UTP14C: variants seen among roughly 807,000 people sequenced by gnomAD.
UTP14C encodes the protein U3 small nucleolar RNA-associated protein 14 homolog C.
A neutral mutation model predicts 14.6 loss-of-function variants in UTP14C; 10 were observed. The ratio of observed to expected loss-of-function variants is 0.68; its 90% CI spans 0.42 to 1.16. The LOEUF is 1.16. UTP14C is among the 50% of genes most tolerant of loss of function. The probability of loss-of-function intolerance (pLI) is 0.00; values close to 1 mark genes in which losing one functional copy is unlikely to be tolerated. For synonymous variants in UTP14C, 315 were observed against 331.6 expected, an observed-to-expected ratio of 0.95 and a Z score of 0.54; for missense variants, 818 against 890.8, an observed-to-expected ratio of 0.92 and a Z score of 1.04.
intron 1 of UTP14C, 22 bp downstream of exon 1, chr13:52,024,959 C>T (rs768824401): frequency 6.3e-7 from 1 of 1,595,604 alleles, no homozygotes; most frequent in Non-Finnish European, 8.5e-7. Context: ...CTTTAAACAA[C>T]TTGTTTGGTG....
Position 52,028,654 on chromosome 13 carries a change from T to G in UTP14C, c.-151T>G. ...GGTTAAACACCTTCATATGTAAATA[T>G]TTTTCTAAATTCAATCTCATTTGTC... On this transcript the variant is annotated 5_prime_UTR_variant, in exon 2 of 2. Transcript: ENST00000521776. 4 of 1,562,584 alleles carry G rather than the reference T, an allele frequency of 2.6e-6. No individual in the cohort carries two copies. In the South Asian group the frequency reaches 4.5e-5, roughly 18 times the overall value.
chr13:52,028,259 CATTCTT>C, intron 1 of UTP14C, 54 bp from the exon 2 acceptor site: 1 of 1,600,394 alleles, frequency 6.2e-7, no homozygotes, highest in South Asian at 1.1e-5. Context: ...TATTCATCCT[CATTCTT>C]ATGAACACAC....
At position 52,030,689 on chromosome 13, in the gene UTP14C, G is replaced by C; in HGVS notation, c.1885G>C (p.Gly629Arg). ...AAAGGACGTGGACCTGACACTACCT[G>C]GCTGGGGCGAGTGGGGTGGTGTGGG... is the stretch of plus-strand genomic sequence containing the variant. Reference protein sequence around the residue: ...KPKDVDLTLPGWGEWGGVGLK... With the variant: ...KPKDVDLTLPRWGEWGGVGLK... The change falls in exon 2 of 2, where the codon GGC (glycine) becomes CGC (arginine). Residue 629 changes from glycine (G) to arginine (R), a missense_variant. Transcript: ENST00000521776. 1 of 1,614,206 alleles carries C rather than the reference G, an allele frequency of 6.2e-7. No homozygotes were observed. The highest frequency in any genetic ancestry group is 8.5e-7 in the Non-Finnish European group (1 of 1,180,028).
rs1270245326 is a variant in UTP14C, at chr13:52,028,540, C to A, written c.-265C>A. 1 of 1,613,988 alleles carries A rather than the reference C, an allele frequency of 6.2e-7. No individual in the cohort carries two copies. The highest frequency in any genetic ancestry group is 8.5e-7 in the Non-Finnish European group (1 of 1,179,980). On this transcript the variant is annotated 5_prime_UTR_variant, in exon 2 of 2. Coordinates refer to ENST00000521776, the MANE Select transcript of UTP14C (RefSeq NM_021645.6). ...TGCATCTGTAAGCAGATTCTCTGAT[C>A]AGGAATTTGAAGTGACATTCCTATC...
In UTP14C at chr13:52,029,350, C is replaced by A; in HGVS notation, c.546C>A (p.Pro182=). 6.2e-7 allele frequency: 1 copy of A among 1,614,134 alleles called. No homozygotes were observed. The highest frequency in any genetic ancestry group is 8.5e-7 in the Non-Finnish European group (1 of 1,180,026). ...TCAGTGGCTGGAAGGCAAGAACTCC[C>A]CTGGAGCAGGAAATTTTTAACCTCC... is the stretch of plus-strand genomic sequence containing the variant. ...HALSGWKART[P]LEQEIFNLLH... is the part of the protein sequence containing the mutation. Residue 182 remains proline, a synonymous_variant, in exon 2 of 2, where the codon CCC becomes CCA. Coordinates refer to ENST00000521776, the MANE Select transcript of UTP14C (RefSeq NM_021645.6).
chr13:52,029,128 A>G lies in UTP14C; in HGVS notation c.324A>G (p.Arg108=). 1 of 1,614,224 alleles carries G rather than the reference A, an allele frequency of 6.2e-7. No homozygotes were observed. The highest frequency in any genetic ancestry group is 8.5e-7 in the Non-Finnish European group (1 of 1,180,038). Residue 108 remains arginine (R), a synonymous_variant, in exon 2 of 2, where the codon AGA becomes AGG. Transcript: ENST00000521776. ...CCACTGTAAAAAAGCAACTGAATAG[A>G]GTCAAATCAAAGAAGGTGGTGGAGT... ...SLATVKKQLN[R]VKSKKVVELP...
At position 52,028,321 on chromosome 13, in the gene UTP14C, G is replaced by T. The variant is rs750780094; in HGVS notation, c.-484G>T. The T allele has an allele frequency of 1.9e-6, 3 of 1,614,030 alleles. No individual in the cohort carries two copies. Among genetic ancestry groups the T allele is most frequent in the Non-Finnish European group, 2.5e-6 (3 of 1,180,014 alleles). ...ATGATTTGTGTTTTTTTTCTCAGGAGTTGTGGAGTGTATGGCAGCTGGCAC... is the reference window on the plus strand; with the variant it reads ...ATGATTTGTGTTTTTTTTCTCAGGATTTGTGGAGTGTATGGCAGCTGGCAC... On this transcript the variant is annotated splice_region_variant and 5_prime_UTR_variant, in exon 2 of 2. Transcript: ENST00000521776.
Position 52,029,748 on chromosome 13 carries a change from A to C in UTP14C, c.944A>C (p.Asp315Ala), listed in dbSNP as rs1745044350. 6.2e-7 allele frequency: 1 copy of C among 1,614,086 alleles called. No individual in the cohort carries two copies. The highest frequency in any genetic ancestry group is 1.3e-5 in the African/African-American group (1 of 74,920). The change falls in exon 2 of 2, where the codon GAC becomes GCC. Residue 315 changes from aspartate (D) to alanine (A), a missense_variant. Physicochemically the swap from Asp to Ala is moderately radical, Grantham distance 126. Coordinates refer to ENST00000521776, the MANE Select transcript of UTP14C (RefSeq NM_021645.6). ...TCAAAGGCAATTATGGCCAAATATG[A>C]CCTGGAGGCTCGCCAAGCTATGCAG... The part of the protein sequence containing the change: ...AKSKAIMAKY[D>A]LEARQAMQEQ...
chr13:52,024,996 T>C, intron 1 of UTP14C, 59 bp downstream of exon 1: 5 of 1,523,136 alleles, frequency 3.3e-6, no homozygotes, highest in East Asian at 4.5e-5. Flanking sequence ...TTAAGTTCTT[T>C]TGATAAAATG....
In UTP14C at chr13:52,029,490, C is replaced by T. The variant is rs1954275935; in HGVS notation, c.686C>T (p.Ala229Val). 2.5e-6 allele frequency: 4 copies of T among 1,614,182 alleles called. No homozygotes were observed. Among genetic ancestry groups the T allele is most frequent in the Non-Finnish European group, 2.5e-6 (3 of 1,180,038 alleles). The change falls in exon 2 of 2, where the codon GCT becomes GTT. Residue 229 changes from alanine to valine, a missense_variant. Ala to Val is a moderately conservative substitution (Grantham distance 64). Transcript: ENST00000521776. ...ATGCACCGAGCAGAGCTTCAGAGGG[C>T]TCGGGCTCTGCAGTCCTACTATGAG... ...AKMHRAELQR[A>V]RALQSYYEAK...
In UTP14C at chr13:52,030,454, G is replaced by T; in HGVS notation, c.1650G>T (p.Lys550Asn). The T allele has an allele frequency of 6.2e-7, 1 of 1,614,226 alleles. No homozygotes were observed. Among genetic ancestry groups the T allele is most frequent in the South Asian group, 1.1e-5 (1 of 91,088 alleles). ...ATCGGCCTGATGCCCCTAAGGAGAA[G>T]AAAGAGAAGGAGCAACTGATCAACC... is the stretch of plus-strand genomic sequence containing the variant. ...PNNRPDAPKEKKEKEQLINLQ... is the reference protein window; with the variant it reads ...PNNRPDAPKENKEKEQLINLQ... Residue 550 changes from lysine (K) to asparagine (N), a missense_variant, in exon 2 of 2, where the codon AAG becomes AAT. Physicochemically the swap from Lys to Asn is moderately conservative, Grantham distance 94. Transcript: ENST00000521776.
In UTP14C at chr13:52,032,638, C is replaced by CCAT. The variant is rs1285518684; in HGVS notation, c.*1535_*1537dup. 1 of 167,056 alleles carries CCAT rather than the reference C, an allele frequency of 6.0e-6. No individual in the cohort carries two copies. The highest frequency in any genetic ancestry group is 1.5e-5 in the Non-Finnish European group (1 of 68,116). The allele number at this position is 167,056 out of a possible 1,614,324, so 10.3% of individuals were successfully genotyped here. A position where few individuals can be genotyped will look rare whatever the true frequency, so the allele number is the denominator to read the frequency against. ...ATTATGTTGTTGATACATCTCCAAG[C>CCAT]CATCTGTCATCAGATCAAAAAGCAG... On this transcript the variant is annotated 3_prime_UTR_variant, in exon 2 of 2. Transcript: ENST00000521776.
rs1954320655 is a variant in UTP14C at position 52,033,070 on chromosome 13, A to G, written c.*1965A>G. ...CTTATTTCTTCAAAATTATTTTCAT[A>G]TATCACAGATATATCATTGGAAGAT... On this transcript the variant is annotated 3_prime_UTR_variant, in exon 2 of 2. Transcript: ENST00000521776. 1 of 167,128 alleles carries G rather than the reference A, an allele frequency of 6.0e-6. No individual in the cohort carries two copies. The highest frequency in any genetic ancestry group is 2.1e-4 in the South Asian group (1 of 4,836). 10.4% of individuals were successfully genotyped at this position (167,128 alleles called of 1,614,324 possible).
chr13:52,030,208 ACAT>A lies in UTP14C; in HGVS notation c.1407_1409del (p.His469del), dbSNP rs759076110. ...CACTATCTCAGAAATTGAAGGAAAA[ACAT>A]CAGTCCAGGAAGCAAAAAGCAAGTT... On this transcript the variant is annotated inframe_deletion, in exon 2 of 2. Transcript: ENST00000521776. 12 of 1,614,074 alleles carry A rather than the reference ACAT, an allele frequency of 7.4e-6. No individual in the cohort carries two copies. The highest frequency in any genetic ancestry group is 3.3e-5 in the South Asian group (3 of 91,086).
chr13:52,032,567 G>A lies in UTP14C; in HGVS notation c.*1462G>A, dbSNP rs1954316303. 3 of 167,026 alleles carry A rather than the reference G, an allele frequency of 1.8e-5. No homozygotes were observed. The highest frequency in any genetic ancestry group is 4.4e-5 in the Non-Finnish European group (3 of 68,128). 10.3% of individuals were successfully genotyped at this position (167,026 alleles called of 1,614,324 possible). A position where few individuals can be genotyped will look rare whatever the true frequency, so the allele number is the denominator to read the frequency against. ...TGAAACGGTATATTATTTCTTTGCA[G>A]TCTCCTCTCAGTCATTCATCAATGT... On this transcript the variant is annotated 3_prime_UTR_variant, in exon 2 of 2. Transcript: ENST00000521776.
rs1374747434 is a variant in UTP14C, at chr13:52,033,355, GTAA to G, written c.*2255_*2257del. The G allele has an allele frequency of 6.0e-6, 1 of 166,988 alleles. No homozygotes were observed. Among genetic ancestry groups the G allele is most frequent in the Non-Finnish European group, 1.5e-5 (1 of 68,110 alleles). 10.3% of individuals were successfully genotyped at this position (166,988 alleles called of 1,614,324 possible). On this transcript the variant is annotated 3_prime_UTR_variant, in exon 2 of 2. Transcript: ENST00000521776. The stretch of plus-strand genomic sequence containing the variant: ...AAAGTGTGTGTTACATAGGTTTTGT[GTAA>G]TAATTATTTGTAAATATTATTTAGA...
Position 52,028,921 on chromosome 13 carries a change from G to C in UTP14C, c.117G>C (p.Glu39Asp). The change falls in exon 2 of 2, where the codon GAG becomes GAC. Residue 39 changes from glutamate to aspartate, a missense_variant. Transcript: ENST00000521776. ...AAGATGAGGGGGACAGTGATGGAGA[G>C]AGAAAGCATCAAAAGCTTCTGGAAG... ...ENEDEGDSDG[E>D]RKHQKLLEAI... 2 of 1,614,244 alleles carry C rather than the reference G, an allele frequency of 1.2e-6. No homozygotes were observed. The highest frequency in any genetic ancestry group is 3.3e-5 in the Admixed American group (2 of 60,028).
chr13:52,029,153 T>C lies in UTP14C; in HGVS notation c.349T>C (p.Leu117=). 6.2e-7 allele frequency: 1 copy of C among 1,613,944 alleles called. No homozygotes were observed. Among genetic ancestry groups the C allele is most frequent in the South Asian group, 1.1e-5 (1 of 91,058 alleles). ...NRVKSKKVVE[L]PLNKEKIEQI... is the part of the protein sequence containing the mutation. ...AGTCAAATCAAAGAAGGTGGTGGAG[T>C]TACCTCTTAACAAAGAAAAAATTGA... is the stretch of plus-strand genomic sequence containing the variant. The change falls in exon 2 of 2, where the codon TTA becomes CTA. Residue 117 remains leucine, a synonymous_variant. Transcript: ENST00000521776.
intron 1 of UTP14C, among the ~76,000 whole-genome samples, chr13:52,027,399 T>C (rs756676459): frequency 2.0e-5 from 3 of 152,032 alleles, no homozygotes; most frequent in Non-Finnish European, 4.4e-5. Flanking sequence ...TACAGGATGC[T>C]CTCCAGCTTC....
Sources: gnomAD v4.1 joint callset for allele counts (sites outside exome capture counted in the v4.1 genomes callset) on GRCh38, gnomAD v4.1.1 for gene constraint, MANE v1.5 for transcripts, NCBI Gene and HGNC (gene_info 2026-07-23, HGNC 2026-07-21) for gene names.